The following C8orf34 variants were observed in gnomAD, a reference collection of about 807,000 sequenced individuals.
The protein encoded by C8orf34 is chromosome 8 open reading frame 34, also known as uncharacterized protein C8orf34.
C8orf34 carries 65 observed loss-of-function variants against 68.3 expected under a neutral mutation model. That is an observed-to-expected ratio of 0.95 (90% confidence interval 0.78 to 1.17). The LOEUF is 1.17. C8orf34 is among the 50% of genes most tolerant of loss of function. C8orf34 has a pLI of 0.00. For synonymous variants in C8orf34, 244 were observed against 241.2 expected (o/e 1.01, Z -0.11); for missense variants, 664 against 655.4 (o/e 1.01, Z -0.14).
Position 68,677,257 on chromosome 8 carries a change from C to A in C8orf34, c.1242-31737C>A, listed in dbSNP as rs140510171. The stretch of plus-strand genomic sequence containing the variant: ...ATAATGGAAACACACATACCAGAAC[C>A]TATGGGATAAAGTGAAAGTGGTACT... On this transcript the variant is annotated intron_variant, in intron 8 of 13. Transcript: ENST00000518698. 3.4e-4 allele frequency among the ~76,000 whole-genome samples: 52 copies of A among 152,216 alleles called. 1 individual carries two copies. The East Asian group carries it at 8.9e-3, about 26-fold the overall frequency.
intron 7 of C8orf34, chr8:68,625,549 C>T: frequency 1.4e-6 from 1 of 694,694 alleles, no homozygotes; most frequent in South Asian, 1.5e-5. Flanking sequence ...ATGAGAACAG[C>T]ATGTGAATTC....
intron 7 of C8orf34, among the ~76,000 whole-genome samples, chr8:68,633,415 T>C (rs1818748442): frequency 6.6e-6 from 1 of 152,216 alleles, no homozygotes; most frequent in Admixed American, 6.5e-5. Context: ...GTTGATCACA[T>C]AATATTTTGT....
At chr8:68,634,158 C>G (rs1482566695) in intron 7 of C8orf34, among the ~76,000 whole-genome samples, 1 of 152,154 alleles carries the variant, frequency 6.6e-6, no homozygotes, top group Admixed American at 6.5e-5. Flanking sequence ...ACAGAATTCT[C>G]TCTGTCTCAA....
chr8:68,569,001 C>T (rs1438267882), intron 7 of C8orf34, among the ~76,000 whole-genome samples: 3 of 152,188 alleles, frequency 2.0e-5, no homozygotes, highest in Admixed American at 2.0e-4. Context: ...TTGGATCAAA[C>T]TTAGAAATTT....
intron 7 of C8orf34, among the ~76,000 whole-genome samples, chr8:68,562,913 A>C (rs965877607): frequency 6.6e-6 from 1 of 152,198 alleles, no homozygotes; most frequent in Non-Finnish European, 1.5e-5. Context: ...AAGAAATTAG[A>C]ATTTCTATTC....
intron 7 of C8orf34, among the ~76,000 whole-genome samples, chr8:68,594,462 C>T (rs6999432): frequency 0.58 from 87,937 of 151,720 alleles, 25,658 homozygotes; most frequent in African/African-American, 0.6. Context: ...AACATTTTTT[C>T]GATTCAGCAG....
intron 10 of C8orf34, among the ~76,000 whole-genome samples, chr8:68,774,885 T>C (rs1823462430): frequency 6.9e-6 from 1 of 145,660 alleles, no homozygotes. Flanking sequence ...GGCAGGCAGA[T>C]TACCTGAAGT....
At position 68,533,085 on chromosome 8, in the gene C8orf34, C is replaced by T. The variant is rs768463666; in HGVS notation, c.1041C>T (p.His347=). The change falls in exon 7 of 14, where the codon CAC becomes CAT. Residue 347 remains histidine (H), a synonymous_variant. Transcript: ENST00000518698. ...MLSQDSFESI[H]SPTPSVTEED... is the part of the protein sequence containing the mutation. ...CTCAAGATTCTTTTGAGTCCATCCACAGCCCTACCCCATCTGTAACAGAAG... is the reference window on the plus strand; with the variant it reads ...CTCAAGATTCTTTTGAGTCCATCCATAGCCCTACCCCATCTGTAACAGAAG... 29 of 1,612,462 alleles carry T rather than the reference C, an allele frequency of 1.8e-5. No individual in the cohort carries two copies. Among genetic ancestry groups the T allele is most frequent in the Non-Finnish European group, 2.4e-5 (28 of 1,179,240 alleles).
chr8:68,708,889 G>A (rs888186409), intron 8 of C8orf34, 105 bp from the exon 9 acceptor site: 1 of 771,772 alleles, frequency 1.3e-6, no homozygotes, highest in Non-Finnish European at 2.2e-6. Context: ...ATGCATATCT[G>A]AGTTTAGAGT....
At chr8:68,745,065 G>C (rs1822440916) in intron 10 of C8orf34, among the ~76,000 whole-genome samples, 1 of 152,128 alleles carries the variant, frequency 6.6e-6, no homozygotes, top group South Asian at 2.1e-4. Flanking sequence ...CCAGAAGAGA[G>C]TGGGGGCCAA....
intron 1 of C8orf34, among the ~76,000 whole-genome samples, chr8:68,418,156 C>G (rs1319731152): frequency 6.8e-6 from 1 of 146,246 alleles, no homozygotes; most frequent in Non-Finnish European, 1.5e-5. Flanking sequence ...TATCCTGAGA[C>G]TTTGCTGAAG....
At chr8:68,765,148 C>T (rs917920313) in intron 10 of C8orf34, among the ~76,000 whole-genome samples, 1 of 152,188 alleles carries the variant, frequency 6.6e-6, no homozygotes, top group African/African-American at 2.4e-5. Flanking sequence ...TTGTCCTTGT[C>T]CTCATTGCTT....
chr8:68,532,892 A>T, intron 6 of C8orf34, 91 bp from the exon 7 acceptor site: 1 of 889,992 alleles, frequency 1.1e-6, no homozygotes, highest in Non-Finnish European at 1.7e-6. Flanking sequence ...TAACATGTCC[A>T]CATACGTGTG....
intron 12 of C8orf34, among the ~76,000 whole-genome samples, chr8:68,794,838 T>G (rs1585895253): frequency 2.6e-5 from 4 of 152,148 alleles, no homozygotes; most frequent in Admixed American, 2.6e-4. Context: ...ATAAACATCC[T>G]AAATCTAAAA....
intron 8 of C8orf34, among the ~76,000 whole-genome samples, chr8:68,658,285 CT>C (rs1329023573): frequency 2.0e-5 from 3 of 151,846 alleles, no homozygotes; most frequent in Admixed American, 6.6e-5. Context: ...CTGAAAATGT[CT>C]TGAAATTTCC....
At chr8:68,492,335 C>T (rs887338911) in intron 5 of C8orf34, among the ~76,000 whole-genome samples, 2 of 152,022 alleles carry the variant, frequency 1.3e-5, no homozygotes, top group Admixed American at 6.6e-5. Flanking sequence ...GCTCAAATGA[C>T]CCTCCCACCT....
chr8:68,790,283 C>A (rs988462987), intron 12 of C8orf34, among the ~76,000 whole-genome samples: 3 of 152,188 alleles, frequency 2.0e-5, no homozygotes, highest in African/African-American at 7.2e-5. Flanking sequence ...TCTTTGTGAG[C>A]CCAGTATCTG....
intron 7 of C8orf34, chr8:68,534,227 A>G (rs11988777): frequency 0.15 from 150,229 of 984,970 alleles, 13,259 homozygotes; most frequent in African/African-American, 0.39. Context: ...ATTCATGCTA[A>G]CATTAAGGAG....
intron 11 of C8orf34, among the ~76,000 whole-genome samples, chr8:68,786,077 C>T (rs967909117): frequency 6.6e-6 from 1 of 151,972 alleles, no homozygotes; most frequent in Non-Finnish European, 1.5e-5. Context: ...AAATAAAGCA[C>T]AATATCTCAT....
Sources: gnomAD v4.1 joint callset for allele counts (sites outside exome capture counted in the v4.1 genomes callset) on GRCh38, gnomAD v4.1.1 for gene constraint, MANE v1.5 for transcripts, NCBI Gene and HGNC (gene_info 2026-07-23, HGNC 2026-07-21) for gene names.